Variants in ZFHX4 observed in about 807,000 individuals in gnomAD.
ZFHX4 encodes the protein zinc finger homeobox protein 4.
In ZFHX4, 56 loss-of-function variants were observed where a neutral mutation model predicts 267.6. That is an observed-to-expected ratio of 0.21 (90% CI 0.17 to 0.26). ZFHX4 has a LOEUF of 0.26. Ranked by LOEUF, ZFHX4 falls within the 10% of genes least tolerant of loss-of-function variation. The pLI is 1.00. For synonymous variants in ZFHX4, 1,778 were observed against 1,665.6 expected (o/e 1.07, Z -1.64); for missense variants, 4,332 against 4,420.0 (o/e 0.98, Z 0.56).
In ZFHX4 at chr8:76,822,347, A is replaced by G. The variant is rs535148677; in HGVS notation, c.3326-10991A>G. 4.0e-5 allele frequency among the ~76,000 whole-genome samples: 6 copies of G among 151,636 alleles called. No individual in the cohort carries two copies. In the East Asian group the frequency reaches 1.2e-3, roughly 29 times the overall value. ...ATCATCTCTGACAATATCAACAGTG[A>G]CCTTATTTTACTTGACTTCTCTCTA... On this transcript the variant is annotated intron_variant, in intron 4 of 10. Coordinates refer to ENST00000651372, the MANE Select transcript of ZFHX4 (RefSeq NM_024721.5).
chr8:76,704,915 C>A lies in ZFHX4; in HGVS notation c.827C>A (p.Pro276His), dbSNP rs375654092. The change falls in exon 2 of 11, where the codon CCT (proline) becomes CAT (histidine). Residue 276 changes from proline (P) to histidine (H), a missense_variant. Around this residue, in one of 7 missense-constraint regions of ZFHX4, gnomAD observed 1,195 missense variants for 1,173.6 expected, o/e 1.02. Transcript: ENST00000651372. ...TGTGTTAGCGATGGGAAAAGGAAAC[C>A]TGTTTTAATGTGTTTCTTGTGCAAG... ...DGCVSDGKRK[P>H]VLMCFLCKLS... The A allele has an allele frequency of 1.9e-6, 3 of 1,613,964 alleles. No individual in the cohort carries two copies. The highest frequency in any genetic ancestry group is 2.5e-6 in the Non-Finnish European group (3 of 1,179,968).
chr8:76,861,306 A>G (rs184409272), intron 10 of ZFHX4, among the ~76,000 whole-genome samples: 64 of 152,272 alleles, frequency 4.2e-4, no homozygotes, highest in African/African-American at 1.4e-3. Context: ...CAGAAGATAA[A>G]TTGGAGTGAC....
At position 76,854,200 on chromosome 8, in the gene ZFHX4, C is replaced by T; in HGVS notation, c.7279C>T (p.Pro2427Ser). 6 of 1,566,346 alleles carry T rather than the reference C, an allele frequency of 3.8e-6. No individual in the cohort carries two copies. Among genetic ancestry groups the T allele is most frequent in the Non-Finnish European group, 5.2e-6 (6 of 1,155,656 alleles). Residue 2427 changes from proline to serine, a missense_variant, in exon 10 of 11, where the codon CCA becomes TCA. By Grantham distance (74) the Pro-to-Ser change is moderately conservative. Transcript: ENST00000651372. ...DPSPPSQGTK[P>S]ALPLASTSSD... ...CTCTCCCCCTTCTCAAGGCACCAAA[C>T]CAGCCCTGCCATTAGCATCGACTTC...
chr8:76,863,391 T>G lies in ZFHX4; in HGVS notation c.9677T>G (p.Leu3226Arg). The change falls in exon 11 of 11, where the codon CTT (leucine) becomes CGT (arginine). Residue 3226 changes from leucine (L) to arginine (R), a missense_variant. This residue lies in a region of ZFHX4 where 1,648 missense variants were observed against 1,625.0 expected (regional missense o/e 1.01). Transcript: ENST00000651372. ...PKKEEKISSALSVLGKVVGET... is the reference protein window; with the variant it reads ...PKKEEKISSARSVLGKVVGET... Reference sequence around the variant, plus strand: ...AAAGAGGAAAAAATCTCATCTGCTCTTTCAGTGTTGGGCAAAGTTGTAGGT... The same window carrying G: ...AAAGAGGAAAAAATCTCATCTGCTCGTTCAGTGTTGGGCAAAGTTGTAGGT... The G allele has an allele frequency of 6.2e-7, 1 of 1,613,968 alleles. No individual in the cohort carries two copies. The highest frequency in any genetic ancestry group is 8.5e-7 in the Non-Finnish European group (1 of 1,179,858).
intron 9 of ZFHX4, 97 bp from the exon 10 acceptor site, chr8:76,850,789 G>T: frequency 7.6e-7 from 1 of 1,308,300 alleles, no homozygotes; most frequent in Non-Finnish European, 1.0e-6. Flanking sequence ...AATTAATTAA[G>T]CAGAAGCCTT....
chr8:76,757,359 G>A (rs992516405), intron 3 of ZFHX4, among the ~76,000 whole-genome samples: 1 of 152,166 alleles, frequency 6.6e-6, no homozygotes, highest in Non-Finnish European at 1.5e-5. Flanking sequence ...AAAGGGACTT[G>A]TGCCTAGTTG....
At chr8:76,817,675 T>C (rs1308405389) in intron 4 of ZFHX4, among the ~76,000 whole-genome samples, 3 of 152,154 alleles carry the variant, frequency 2.0e-5, no homozygotes, top group African/African-American at 7.2e-5. Context: ...CAATGTGTAT[T>C]GGGAGAGAAA....
At chr8:76,696,921 A>G (rs192113781) in intron 1 of ZFHX4, among the ~76,000 whole-genome samples, 2 of 152,142 alleles carry the variant, frequency 1.3e-5, no homozygotes, top group East Asian at 1.9e-4. Flanking sequence ...GAATTTATGC[A>G]TATAACTTTC....
chr8:76,836,327 C>T (rs1326040915), intron 5 of ZFHX4, among the ~76,000 whole-genome samples: 2 of 152,116 alleles, frequency 1.3e-5, no homozygotes, highest in Non-Finnish European at 2.9e-5. Context: ...GAGCCCCAAC[C>T]CAGACCTACT....
chr8:76,853,822 A>T lies in ZFHX4; in HGVS notation c.6901A>T (p.Asn2301Tyr). The T allele has an allele frequency of 6.2e-7, 1 of 1,613,922 alleles. No individual in the cohort carries two copies. Among genetic ancestry groups the T allele is most frequent in the Non-Finnish European group, 8.5e-7 (1 of 1,179,862 alleles). ...AGATAATGAAAAAAGAGAACTCACT[A>T]ATGAACGGTACATTCGAACAAGCAA... is the stretch of plus-strand genomic sequence containing the variant. ...TKDNEKRELT[N>Y]ERYIRTSNMQ... Residue 2301 changes from asparagine to tyrosine, a missense_variant, in exon 10 of 11, where the codon AAT (asparagine) becomes TAT (tyrosine). Physicochemically the swap from Asn to Tyr is moderately radical, Grantham distance 143. Around this residue, in one of 7 missense-constraint regions of ZFHX4, gnomAD observed 1,648 missense variants for 1,625.0 expected, o/e 1.01. Transcript: ENST00000651372.
intron 4 of ZFHX4, among the ~76,000 whole-genome samples, chr8:76,792,896 A>G (rs1810875866): frequency 1.3e-5 from 2 of 152,150 alleles, no homozygotes. Flanking sequence ...ACATCATTTC[A>G]GATTAGGGGC....
chr8:76,847,533 C>T (rs932681935), intron 6 of ZFHX4, among the ~76,000 whole-genome samples: 3 of 152,072 alleles, frequency 2.0e-5, no homozygotes, highest in Middle Eastern at 7.0e-3. Flanking sequence ...TCAGTATAAT[C>T]TGATGAAAAC....
At chr8:76,779,507 A>G (rs749543067) in intron 4 of ZFHX4, among the ~76,000 whole-genome samples, 4 of 152,252 alleles carry the variant, frequency 2.6e-5, no homozygotes, top group Non-Finnish European at 5.9e-5. Flanking sequence ...ATCAGAATAG[A>G]GCACAGAGCT....
intron 1 of ZFHX4, among the ~76,000 whole-genome samples, chr8:76,693,080 G>A (rs1171102966): frequency 6.6e-6 from 1 of 152,098 alleles, no homozygotes; most frequent in Non-Finnish European, 1.5e-5. Context: ...AAATAAAACT[G>A]CAGCCTCCAT....
intron 4 of ZFHX4, among the ~76,000 whole-genome samples, chr8:76,786,041 C>A (rs1810680025): frequency 6.6e-6 from 1 of 152,044 alleles, no homozygotes; most frequent in Non-Finnish European, 1.5e-5. Flanking sequence ...TATTTTATTC[C>A]TATTTTACAG....
rs372552150 is a variant in ZFHX4, at chr8:76,854,988, C to A, written c.8067C>A (p.Ala2689=). Residue 2689 remains alanine (A), a synonymous_variant, in exon 10 of 11, where the codon GCC becomes GCA. Coordinates refer to ENST00000651372, the MANE Select transcript of ZFHX4 (RefSeq NM_024721.5). ...GAGCCCTGTTTAAAGCAAAGTCGGC[C>A]TTAGAAAGCCACATTCGCTCTCGGC... ...FCRALFKAKS[A]LESHIRSRHW... 1.2e-6 allele frequency: 2 copies of A among 1,613,936 alleles called. No individual in the cohort carries two copies. Among genetic ancestry groups the A allele is most frequent in the Non-Finnish European group, 1.7e-6 (2 of 1,179,874 alleles).
chr8:76,697,064 A>G (rs200451448), intron 1 of ZFHX4, among the ~76,000 whole-genome samples: 4 of 151,984 alleles, frequency 2.6e-5, no homozygotes, highest in African/African-American at 9.7e-5. Context: ...GCAAGAAATG[A>G]TTTTTTAAAA....
At position 76,863,784 on chromosome 8, in the gene ZFHX4, C is replaced by A; in HGVS notation, c.10070C>A (p.Pro3357Gln). The A allele has an allele frequency of 6.4e-7, 1 of 1,552,132 alleles. No homozygotes were observed. The highest frequency in any genetic ancestry group is 8.7e-7 in the Non-Finnish European group (1 of 1,147,260). The part of the protein sequence containing the change: ...AKTSKVESDQ[P>Q]QNSNDASETK... Reference sequence around the variant, plus strand: ...ACATCCAAAGTAGAAAGTGACCAGCCGCAAAACTCCAACGATGCTTCAGAA... The same window carrying A: ...ACATCCAAAGTAGAAAGTGACCAGCAGCAAAACTCCAACGATGCTTCAGAA... Residue 3357 changes from proline (P) to glutamine (Q), a missense_variant, in exon 11 of 11, where the codon CCG (proline) becomes CAG (glutamine). Transcript: ENST00000651372.
intron 1 of ZFHX4, among the ~76,000 whole-genome samples, chr8:76,700,086 C>T (rs1023661458): frequency 2.6e-5 from 4 of 151,938 alleles, no homozygotes; most frequent in African/African-American, 4.8e-5. Flanking sequence ...CAGTGATGAC[C>T]TTTTGGAAAC....
Sources: allele counts gnomAD v4.1 joint callset (sites outside exome capture counted in the v4.1 genomes callset), GRCh38; gene constraint gnomAD v4.1.1; regional missense constraint gnomAD v4.1.1; transcripts MANE v1.5; gene names NCBI Gene and HGNC (gene_info 2026-07-23, HGNC 2026-07-21).